The following MAGI1 variants were observed in gnomAD, a reference collection of about 807,000 sequenced individuals.
MAGI1 encodes the protein membrane-associated guanylate kinase, WW and PDZ domain-containing protein 1.
A neutral mutation model predicts 139.9 loss-of-function variants in MAGI1; 58 were observed. The observed-to-expected ratio is 0.41, with a 90% CI of 0.34 to 0.52. MAGI1 has a LOEUF of 0.52. Ranked by LOEUF, MAGI1 falls within the 20% of genes least tolerant of loss-of-function variation. The probability of loss-of-function intolerance (pLI) is 0.12; values close to 1 mark genes in which losing one functional copy is unlikely to be tolerated. For missense variants in MAGI1, 1,874 were observed against 1,901.6 expected (o/e 0.99, Z 0.27); for synonymous variants, 812 against 737.9 (o/e 1.10, Z -1.63).
chr3:65,508,667 T>A (rs891598726), intron 2 of MAGI1, among the ~76,000 whole-genome samples: 25 of 152,340 alleles, frequency 1.6e-4, no homozygotes, highest in African/African-American at 5.5e-4. Flanking sequence ...CTGGACCCAA[T>A]GTGAGTCCAG....
intron 1 of MAGI1, among the ~76,000 whole-genome samples, chr3:65,796,128 T>C (rs771034879): frequency 8.6e-5 from 13 of 151,102 alleles, no homozygotes; most frequent in Admixed American, 2.0e-4. Flanking sequence ...GAGTCCAAAA[T>C]TGCAGAGCTG....
intron 1 of MAGI1, among the ~76,000 whole-genome samples, chr3:65,920,387 G>C (rs1243069502): frequency 6.6e-6 from 1 of 152,076 alleles, no homozygotes. Flanking sequence ...GAACATATTG[G>C]ATCTTCCATC....
chr3:65,731,463 G>A (rs1486017337), intron 1 of MAGI1, among the ~76,000 whole-genome samples: 1 of 150,580 alleles, frequency 6.6e-6, no homozygotes, highest in Non-Finnish European at 1.5e-5. Flanking sequence ...GACCAGCCTG[G>A]GCAACACAGT....
chr3:66,001,176 G>A (rs1248659620), intron 1 of MAGI1, among the ~76,000 whole-genome samples: 1 of 152,114 alleles, frequency 6.6e-6, no homozygotes, highest in African/African-American at 2.4e-5. Flanking sequence ...TCAAGGCCAT[G>A]GTATTTGAGC....
intron 1 of MAGI1, among the ~76,000 whole-genome samples, chr3:65,809,444 T>C (rs2041081733): frequency 6.6e-6 from 1 of 152,160 alleles, no homozygotes. Flanking sequence ...GAAATAATAC[T>C]GCTTACCCAA....
chr3:65,476,244 G>A (rs748765753), intron 4 of MAGI1, among the ~76,000 whole-genome samples: 2 of 152,240 alleles, frequency 1.3e-5, no homozygotes, highest in East Asian at 3.9e-4. Flanking sequence ...GACAGTCAAC[G>A]TGCTCCATAC....
Position 65,382,774 on chromosome 3 carries a change from C to A in MAGI1, c.2509-705G>T, listed in dbSNP as rs915320112. Among the ~76,000 whole-genome samples the A allele has an allele frequency of 2.0e-5, 3 of 152,256 alleles. No homozygotes were observed. In the East Asian group the frequency reaches 5.8e-4, roughly 29 times the overall value. On this transcript the variant is annotated intron_variant, in intron 15 of 22. Transcript: ENST00000402939. Reference sequence around the variant, plus strand: ...TCAGTCCCTCCATTTGGTAGCTCTGCGATCTTGGGCAAGTTAGTTAGCCTT... The same window carrying A: ...TCAGTCCCTCCATTTGGTAGCTCTGAGATCTTGGGCAAGTTAGTTAGCCTT...
At chr3:65,812,466 T>TCACACACACACACACACACACA (rs1432887484) in intron 1 of MAGI1, among the ~76,000 whole-genome samples, 1 of 87,658 alleles carries the variant, frequency 1.1e-5, no homozygotes, top group African/African-American at 3.6e-5. Context: ...TCTCTCTCTC[T>TCACACACACACACACACACACA]CTCACACACA....
In MAGI1 at chr3:65,667,720, C is replaced by T. The variant is rs76799445; in HGVS notation, c.314-45632G>A. ...CTGAGTAGCTAGGACTACACCAACA[C>T]ACTCAGCTAATATTTGCATTTTTTG... On this transcript the variant is annotated intron_variant, in intron 1 of 22. Transcript: ENST00000402939. 3.1e-3 allele frequency among the ~76,000 whole-genome samples: 468 copies of T among 152,234 alleles called. 23 individuals carry two copies. The East Asian group carries it at 0.085, about 28-fold the overall frequency.
intron 1 of MAGI1, among the ~76,000 whole-genome samples, chr3:66,035,504 C>G (rs1057317034): frequency 2.6e-5 from 4 of 152,098 alleles, no homozygotes; most frequent in Non-Finnish European, 4.4e-5. Context: ...GAAGAGGGAG[C>G]AGAAAACTGG....
intron 1 of MAGI1, among the ~76,000 whole-genome samples, chr3:65,959,340 A>T (rs1317045148): frequency 1.3e-5 from 2 of 152,184 alleles, no homozygotes; most frequent in East Asian, 3.9e-4. Flanking sequence ...TTATCCTCTT[A>T]GCTATACAAT....
intron 4 of MAGI1, among the ~76,000 whole-genome samples, chr3:65,476,462 G>C (rs1375954982): frequency 6.6e-6 from 1 of 152,166 alleles, no homozygotes; most frequent in Non-Finnish European, 1.5e-5. Flanking sequence ...GATTTCAAGT[G>C]GGGATTTTAT....
intron 1 of MAGI1, among the ~76,000 whole-genome samples, chr3:65,847,620 G>A (rs533598355): frequency 9.9e-5 from 15 of 152,108 alleles, no homozygotes; most frequent in South Asian, 4.1e-4. Context: ...TTAAAATCCC[G>A]AGAGTACTCT....
At chr3:65,587,640 C>A (rs2081754981) in intron 2 of MAGI1, among the ~76,000 whole-genome samples, 2 of 151,734 alleles carry the variant, frequency 1.3e-5, no homozygotes, top group Non-Finnish European at 2.9e-5. Flanking sequence ...GCCACCATGC[C>A]CAGCTAATTG....
chr3:65,945,492 T>C (rs916002246), intron 1 of MAGI1, among the ~76,000 whole-genome samples: 1 of 151,834 alleles, frequency 6.6e-6, no homozygotes, highest in Non-Finnish European at 1.5e-5. Context: ...TATATTTGAG[T>C]CCTTGTGGAC....
At chr3:65,982,957 TCA>T (rs1297946212) in intron 1 of MAGI1, among the ~76,000 whole-genome samples, 1 of 152,160 alleles carries the variant, frequency 6.6e-6, no homozygotes, top group Non-Finnish European at 1.5e-5. Flanking sequence ...TCTCCCTCCG[TCA>T]CCTAGGCTAC....
At chr3:65,370,448 T>C (rs185836899) in intron 18 of MAGI1, among the ~76,000 whole-genome samples, 1 of 152,174 alleles carries the variant, frequency 6.6e-6, no homozygotes, top group Non-Finnish European at 1.5e-5. Flanking sequence ...AAAATATCAA[T>C]CCTCAACTAT....
chr3:65,995,836 G>A (rs190084806), intron 1 of MAGI1, among the ~76,000 whole-genome samples: 4 of 152,014 alleles, frequency 2.6e-5, no homozygotes, highest in Non-Finnish European at 4.4e-5. Flanking sequence ...AAAATTGTGC[G>A]GCAATTAAAA....
chr3:65,746,907 T>C (rs150888254), intron 1 of MAGI1, among the ~76,000 whole-genome samples: 2 of 152,320 alleles, frequency 1.3e-5, no homozygotes, highest in African/African-American at 2.4e-5. Context: ...TACAGTCTAG[T>C]AGCAAATACA....
Sources: gnomAD v4.1 joint callset for allele counts (sites outside exome capture counted in the v4.1 genomes callset) on GRCh38, gnomAD v4.1.1 for gene constraint, MANE v1.5 for transcripts, NCBI Gene and HGNC (gene_info 2026-07-23, HGNC 2026-07-21) for gene names.